Variants in PITPNC1 observed in about 807,000 individuals in gnomAD.
The protein encoded by PITPNC1 is phosphatidylinositol transfer protein cytoplasmic 1.
PITPNC1 carries 18 observed loss-of-function variants against 44.7 expected under a neutral mutation model. The observed-to-expected ratio is 0.40, with a 90% confidence interval of 0.28 to 0.60. The LOEUF is 0.60. Ranked by LOEUF, PITPNC1 falls within the 20% of genes least tolerant of loss-of-function variation. PITPNC1 has a pLI of 0.39. For synonymous variants in PITPNC1, 141 were observed against 149.6 expected (o/e 0.94, Z 0.42); for missense variants, 290 against 418.4 (o/e 0.69, Z 2.68).
rs531096578 is a variant in PITPNC1 at position 67,676,821 on chromosome 17, T to C, written c.682+1279T>C. Among the ~76,000 whole-genome samples, 3 of 147,356 alleles carry C rather than the reference T, an allele frequency of 2.0e-5. No homozygotes were observed. Among genetic ancestry groups the C allele is most frequent in the South Asian group, 2.1e-4 (1 of 4,726 alleles). ...TGGTTCTATAAGCTATGGGCTTTTCTTTTTTTTTTCTTTTTTTCTTACCTC... is the reference window on the plus strand; with the variant it reads ...TGGTTCTATAAGCTATGGGCTTTTCCTTTTTTTTTCTTTTTTTCTTACCTC... On this transcript the variant is annotated intron_variant, in intron 8 of 8. Transcript: ENST00000581322. The surrounding 1 kb of genome is among the most constrained non-coding windows in gnomAD (Gnocchi z 4.0).
intron 1 of PITPNC1, among the ~76,000 whole-genome samples, chr17:67,418,822 A>G (rs1474371096): frequency 6.6e-6 from 1 of 152,114 alleles, no homozygotes; most frequent in East Asian, 1.9e-4. Flanking sequence ...CGGCCTCCCA[A>G]ACTGCCGGGA....
At chr17:67,378,327 G>A in intron 1 of PITPNC1, 125 bp downstream of exon 1, 1 of 559,158 alleles carries the variant, frequency 1.8e-6, no homozygotes, top group Non-Finnish European at 2.9e-6. Context: ...CAAACCCGAA[G>A]CCTGGAGGAG....
At chr17:67,629,124 C>T (rs1308578342) in intron 5 of PITPNC1, among the ~76,000 whole-genome samples, 3 of 152,136 alleles carry the variant, frequency 2.0e-5, no homozygotes, top group Non-Finnish European at 4.4e-5. Flanking sequence ...CCCCCTTCAT[C>T]CGTGCTTAGT....
At chr17:67,543,548 G>T (rs1259476122) in intron 2 of PITPNC1, among the ~76,000 whole-genome samples, 1 of 152,112 alleles carries the variant, frequency 6.6e-6, no homozygotes, top group East Asian at 1.9e-4. Context: ...GTTTTCATTT[G>T]CTTTTCTCTA....
At chr17:67,504,116 G>T (rs1282089746) in intron 1 of PITPNC1, among the ~76,000 whole-genome samples, 1 of 152,100 alleles carries the variant, frequency 6.6e-6, no homozygotes, top group East Asian at 1.9e-4. Context: ...GAGACCCTGA[G>T]GCTTCTGCCT....
intron 5 of PITPNC1, among the ~76,000 whole-genome samples, chr17:67,604,052 A>T (rs887754927): frequency 4.6e-5 from 7 of 152,160 alleles, no homozygotes; most frequent in African/African-American, 1.4e-4. Flanking sequence ...TTAAAGAAGC[A>T]TTGTCAAAGG....
chr17:67,500,978 C>G (rs1315689405), intron 1 of PITPNC1, among the ~76,000 whole-genome samples: 1 of 152,122 alleles, frequency 6.6e-6, no homozygotes, highest in African/African-American at 2.4e-5. Context: ...ACGTGAGCCA[C>G]TGCACCTGGC....
intron 4 of PITPNC1, among the ~76,000 whole-genome samples, chr17:67,560,024 C>T (rs140923997): frequency 6.6e-6 from 1 of 152,312 alleles, no homozygotes; most frequent in African/African-American, 2.4e-5. Flanking sequence ...TTATAACTAC[C>T]ATTCAAGATG....
chr17:67,468,541 A>G (rs1055903609), intron 1 of PITPNC1, among the ~76,000 whole-genome samples: 2 of 143,998 alleles, frequency 1.4e-5, no homozygotes, highest in African/African-American at 5.2e-5. Context: ...AGCTGGGACT[A>G]CTGGTGCCCA....
rs1307725652 is a variant in PITPNC1, at chr17:67,508,357, G to T, written c.49-24445G>T. Among the ~76,000 whole-genome samples the T allele has an allele frequency of 1.3e-5, 2 of 152,222 alleles. No individual in the cohort carries two copies. Among genetic ancestry groups the T allele is most frequent in the African/African-American group, 4.8e-5 (2 of 41,458 alleles). On this transcript the variant is annotated intron_variant, in intron 1 of 8. Coordinates refer to ENST00000581322, the MANE Select transcript of PITPNC1 (RefSeq NM_012417.4). This position sits in a 1 kb window ranked among gnomAD's most constrained non-coding sequence, Gnocchi z 4.2. ...TTCTTAATGATGTGCTAAACAAGGG[G>T]TGGGTTATTCATGCCTACTCTTTTA...
chr17:67,684,222 G>C lies in PITPNC1; in HGVS notation c.683-8350G>C, dbSNP rs146245519. ...CGTCTCCCAGGTTCAAGCGATTCTTGTACCTCAGCCTCCTGAGTAGCTGGG... is the reference window on the plus strand; with the variant it reads ...CGTCTCCCAGGTTCAAGCGATTCTTCTACCTCAGCCTCCTGAGTAGCTGGG... On this transcript the variant is annotated intron_variant, in intron 8 of 8. Coordinates refer to ENST00000581322, the MANE Select transcript of PITPNC1 (RefSeq NM_012417.4). Among the ~76,000 whole-genome samples the C allele has an allele frequency of 1.5e-3, 214 of 146,988 alleles. 4 individuals carry two copies. In the East Asian group the frequency reaches 0.032, roughly 22 times the overall value.
chr17:67,431,418 C>T (rs2038855955), intron 1 of PITPNC1, among the ~76,000 whole-genome samples: 1 of 152,114 alleles, frequency 6.6e-6, no homozygotes, highest in African/African-American at 2.4e-5. Flanking sequence ...CCCTTTACCG[C>T]TGAGTCAGCC....
At chr17:67,416,240 C>T (rs1365490333) in intron 1 of PITPNC1, among the ~76,000 whole-genome samples, 5 of 112,852 alleles carry the variant, frequency 4.4e-5, no homozygotes, top group African/African-American at 6.9e-5. Flanking sequence ...GACAGAGTCT[C>T]GCTCTGTTGT....
chr17:67,597,551 C>A lies in PITPNC1; in HGVS notation c.366+19294C>A, dbSNP rs1052691076. ...CCTAGGCGACAGAGTGATTGAGACTCCATCTCAACAAAAAAAGGAAAGAAA... is the reference window on the plus strand; with the variant it reads ...CCTAGGCGACAGAGTGATTGAGACTACATCTCAACAAAAAAAGGAAAGAAA... On this transcript the variant is annotated intron_variant, in intron 5 of 8. Coordinates refer to ENST00000581322, the MANE Select transcript of PITPNC1 (RefSeq NM_012417.4). The surrounding 1 kb of genome is among the most constrained non-coding windows in gnomAD (Gnocchi z 4.0). 6.6e-6 allele frequency among the ~76,000 whole-genome samples: 1 copy of A among 152,032 alleles called. No homozygotes were observed.
intron 1 of PITPNC1, among the ~76,000 whole-genome samples, chr17:67,521,643 CTG>C (rs1413664627): frequency 6.6e-6 from 1 of 152,028 alleles, no homozygotes; most frequent in African/African-American, 2.4e-5. Flanking sequence ...GCCTGGAAGA[CTG>C]GGGCTTAGCC....
Position 67,524,748 on chromosome 17 carries a change from C to CTTTTTT in PITPNC1, c.49-8027_49-8022dup, listed in dbSNP as rs1000220869. 2.4e-3 allele frequency: 16 copies of CTTTTTT among 6,652 alleles called. 6 individuals carry two copies. The highest frequency in any genetic ancestry group is 3.8e-3 in the Non-Finnish European group (16 of 4,182). 0.4% of individuals were successfully genotyped at this position (6,652 alleles called of 1,614,324 possible). ...TGTTTCAAACATATATGAAGGTTTT[C>CTTTTTT]TTTTTTTTTTTTTTTTTTTTTTTTT... is the stretch of plus-strand genomic sequence containing the variant. On this transcript the variant is annotated intron_variant, in intron 1 of 8. Transcript: ENST00000581322.
intron 5 of PITPNC1, among the ~76,000 whole-genome samples, chr17:67,620,554 G>A (rs931051927): frequency 2.0e-5 from 3 of 152,082 alleles, no homozygotes; most frequent in South Asian, 4.1e-4. Context: ...ACCTCACTGG[G>A]GACAGAATTT....
At chr17:67,415,645 C>A (rs1402775770) in intron 1 of PITPNC1, among the ~76,000 whole-genome samples, 1 of 152,160 alleles carries the variant, frequency 6.6e-6, no homozygotes, top group Non-Finnish European at 1.5e-5. Flanking sequence ...TTGGCTATTA[C>A]AATTACGTGG....
intron 5 of PITPNC1, among the ~76,000 whole-genome samples, chr17:67,605,643 G>A (rs1187703430): frequency 6.6e-6 from 1 of 152,126 alleles, no homozygotes; most frequent in Non-Finnish European, 1.5e-5. Context: ...TCCGTTGTGG[G>A]CTGTTCCTGG....
Sources: allele counts gnomAD v4.1 joint callset (sites outside exome capture counted in the v4.1 genomes callset), GRCh38; gene constraint gnomAD v4.1.1; non-coding constraint Gnocchi (gnomAD v3.1); transcripts MANE v1.5; gene names NCBI Gene and HGNC (gene_info 2026-07-23, HGNC 2026-07-21).